The following METTL6 variants were observed in gnomAD, a reference collection of about 807,000 sequenced individuals.
The protein encoded by METTL6 is methyltransferase 6, tRNA N3-cytidine.
A neutral mutation model predicts 26.4 loss-of-function variants in METTL6; 22 were observed. The observed-to-expected ratio is 0.83, with a 90% CI of 0.59 to 1.19. METTL6 has a LOEUF of 1.19. METTL6 is among the 50% of genes most tolerant of loss of function. The probability of loss-of-function intolerance (pLI) is 0.00; values close to 1 mark genes in which losing one functional copy is unlikely to be tolerated. For synonymous variants in METTL6, 109 were observed against 116.2 expected (o/e 0.94, Z 0.40); for missense variants, 304 against 324.8 (o/e 0.94, Z 0.49).
chr3:15,397,889 A>G (rs1405216642), intron 6 of METTL6, among the ~76,000 whole-genome samples: 1 of 152,084 alleles, frequency 6.6e-6, no homozygotes, highest in Non-Finnish European at 1.5e-5. Context: ...ACCTTTTGGG[A>G]TACTTTCTCA....
At chr3:15,419,184 G>T (rs1207720824) in intron 3 of METTL6, among the ~76,000 whole-genome samples, 1 of 99,904 alleles carries the variant, frequency 1.0e-5, no homozygotes. Context: ...AAATCCTTGT[G>T]TAAAAAAAAA....
At position 15,415,283 on chromosome 3, in the gene METTL6, G is replaced by A. The variant is rs777040865; in HGVS notation, c.531+489C>T. 4.6e-5 allele frequency among the ~76,000 whole-genome samples: 7 copies of A among 152,178 alleles called. No individual in the cohort carries two copies. In the South Asian group the frequency reaches 6.2e-4, roughly 13 times the overall value. On this transcript the variant is annotated intron_variant, in intron 4 of 5. Transcript: ENST00000383790. ...TGATTATTATTCTCACATGAGACACGGAAACCAATACTCAACAGGGTTAAG... is the reference window on the plus strand; with the variant it reads ...TGATTATTATTCTCACATGAGACACAGAAACCAATACTCAACAGGGTTAAG...
At chr3:15,387,012 G>A (rs529682632) in intron 6 of METTL6, among the ~76,000 whole-genome samples, 1 of 152,172 alleles carries the variant, frequency 6.6e-6, no homozygotes, top group East Asian at 1.9e-4. Flanking sequence ...TGCCCAGGCT[G>A]GTCTTGAACT....
chr3:15,412,860 C>T (rs1700030620), intron 5 of METTL6, among the ~76,000 whole-genome samples: 1 of 152,100 alleles, frequency 6.6e-6, no homozygotes, highest in Non-Finnish European at 1.5e-5. Flanking sequence ...GGTTAATTAT[C>T]TTCCTGTCTA....
At chr3:15,397,604 T>C (rs1699527650) in intron 6 of METTL6, among the ~76,000 whole-genome samples, 1 of 152,158 alleles carries the variant, frequency 6.6e-6, no homozygotes, top group Non-Finnish European at 1.5e-5. Flanking sequence ...ACTGGAGCTG[T>C]TCCTATTCGG....
At position 15,411,285 on chromosome 3, in the gene METTL6, C is replaced by T. The variant is rs1260910662; in HGVS notation, c.826G>A (p.Val276Met). ...FLKPPKNPSP[V>M]VLGLDPKS ...GACTTAGGATCCAGGCCCAGGACCACAGGAGATGGGTTCTTAGGAGGCTTT... is the reference window on the plus strand; with the variant it reads ...GACTTAGGATCCAGGCCCAGGACCATAGGAGATGGGTTCTTAGGAGGCTTT... The change falls in exon 6 of 6, where the codon GTG becomes ATG. Residue 276 changes from valine (V) to methionine (M), a missense_variant. Transcript: ENST00000383790. 6.2e-7 allele frequency: 1 copy of T among 1,614,148 alleles called. No individual in the cohort carries two copies. Among genetic ancestry groups the T allele is most frequent in the South Asian group, 1.1e-5 (1 of 91,084 alleles).
intron 6 of METTL6, among the ~76,000 whole-genome samples, chr3:15,391,997 C>T (rs1384910182): frequency 1.3e-5 from 2 of 152,052 alleles, no homozygotes; most frequent in Admixed American, 6.6e-5. Context: ...GATTTATAAT[C>T]CTTTGGGTAT....
rs749611524 is a variant in METTL6 at position 15,411,441 on chromosome 3, T to C, written c.674-4A>G. ...ATAAAGAGCTGAGCCAGGAAGTCTGTAAGACAAGCATCAACAATGCTCAAC... is the reference window on the plus strand; with the variant it reads ...ATAAAGAGCTGAGCCAGGAAGTCTGCAAGACAAGCATCAACAATGCTCAAC... On this transcript the variant is annotated splice_region_variant and splice_polypyrimidine_tract_variant and intron_variant, in intron 5 of 5. Transcript: ENST00000383790. 1.9e-6 allele frequency: 3 copies of C among 1,612,718 alleles called. No individual in the cohort carries two copies. In the Admixed American group the frequency reaches 5.0e-5, roughly 27 times the overall value.
chr3:15,406,575 AAAAC>A (rs1423813759), downstream of METTL6, among the ~76,000 whole-genome samples: 6 of 137,374 alleles, frequency 4.4e-5, no homozygotes, highest in Non-Finnish European at 4.6e-5. Flanking sequence ...TGAAAAAAAA[AAAAC>A]AAACAGTTAT....
At chr3:15,386,842 G>A (rs147203576) in intron 6 of METTL6, among the ~76,000 whole-genome samples, 1 of 151,812 alleles carries the variant, frequency 6.6e-6, no homozygotes, top group African/African-American at 2.4e-5. Flanking sequence ...CACTCAGGCT[G>A]GAGTACAATG....
chr3:15,427,003 C>A (rs1430948227), intron 1 of METTL6, among the ~76,000 whole-genome samples: 1 of 152,188 alleles, frequency 6.6e-6, no homozygotes, highest in Admixed American at 6.5e-5. Flanking sequence ...TAGCTGGAAG[C>A]GGGTGGTCAA....
chr3:15,403,827 T>A (rs1699712110), intron 6 of METTL6, among the ~76,000 whole-genome samples: 1 of 152,190 alleles, frequency 6.6e-6, no homozygotes, highest in Non-Finnish European at 1.5e-5. Context: ...CCCATTTTTG[T>A]GGTTATTTCT....
intron 5 of METTL6, chr3:15,413,714 G>A (rs1700066954): frequency 6.9e-6 from 9 of 1,297,738 alleles, no homozygotes; most frequent in Non-Finnish European, 8.9e-6. Flanking sequence ...AGAAGTTTCT[G>A]ACTTGCCCTC....
At chr3:15,406,611 TATATATATATATATATATAGAGAGAG>T (rs1268188262), downstream of METTL6, among the ~76,000 whole-genome samples, 204 of 80,638 alleles carry the variant, frequency 2.5e-3, no homozygotes, top group African/African-American at 9.6e-3. Flanking sequence ...TATATATATA[TATATATATATATATATATAGAGAGAG>T]AGAGAGAGAG....
Position 15,414,746 on chromosome 3 carries a change from G to C in METTL6, c.532-584C>G. On this transcript the variant is annotated intron_variant, in intron 4 of 5. Transcript: ENST00000383790. The stretch of plus-strand genomic sequence containing the variant: ...GAGACCAACCTGGGCAATATAGTGA[G>C]ACCCCATCTCTACACAAAAATTAAA... The C allele has an allele frequency of 9.5e-6, 4 of 420,208 alleles. 1 individual carries two copies. The highest frequency in any genetic ancestry group is 7.8e-4 in the Middle Eastern group (1 of 1,284). The allele number at this position is 420,208 out of a possible 1,614,324, so 26.0% of individuals were successfully genotyped here.
chr3:15,389,778 A>AC (rs1699293468), intron 6 of METTL6, among the ~76,000 whole-genome samples: 1 of 148,196 alleles, frequency 6.7e-6, no homozygotes, highest in Admixed American at 6.7e-5. Context: ...CAAACTCCCG[A>AC]CCTCAGTGGT....
chr3:15,414,274 A>C (rs1700096003), intron 4 of METTL6, 112 bp from the exon 5 acceptor site: 12 of 1,485,084 alleles, frequency 8.1e-6, no homozygotes, highest in Non-Finnish European at 1.1e-5. Context: ...GACAGACTGA[A>C]ATGCCCATAA....
chr3:15,416,921 T>C (rs1700231395), intron 3 of METTL6, among the ~76,000 whole-genome samples: 1 of 152,228 alleles, frequency 6.6e-6, no homozygotes, highest in Non-Finnish European at 1.5e-5. Context: ...CAATCTAAAC[T>C]GATTCCCAAC....
chr3:15,414,196 G>C, intron 4 of METTL6, 34 bp from the exon 5 acceptor site: 1 of 1,583,874 alleles, frequency 6.3e-7, no homozygotes, highest in Non-Finnish European at 8.6e-7. Flanking sequence ...CATGACTTTG[G>C]AGAACCCTGT....
Sources: gnomAD v4.1 joint callset for allele counts (sites outside exome capture counted in the v4.1 genomes callset) on GRCh38, gnomAD v4.1.1 for gene constraint, MANE v1.5 for transcripts, NCBI Gene and HGNC (gene_info 2026-07-23, HGNC 2026-07-21) for gene names.